UGGT1: variants seen among roughly 807,000 people sequenced by gnomAD.
UGGT1 encodes UDP-glucose glycoprotein glucosyltransferase 1.
A neutral mutation model predicts 203.9 loss-of-function variants in UGGT1; 107 were observed. The observed-to-expected ratio is 0.52, with a 90% CI of 0.45 to 0.62. The LOEUF (loss-of-function observed/expected upper bound fraction) is 0.62. Ranked by LOEUF, UGGT1 falls within the 20% of genes least tolerant of loss-of-function variation. UGGT1 has a pLI of 0.00. For synonymous variants in UGGT1, 628 were observed against 653.5 expected, an observed-to-expected ratio of 0.96 and a Z score of 0.59; for missense variants, 1,673 against 1,867.2, an observed-to-expected ratio of 0.90 and a Z score of 1.92.
chr2:128,183,894 G>A (rs1274435131), intron 38 of UGGT1, 105 bp downstream of exon 38: 45 of 765,722 alleles, frequency 5.9e-5, no homozygotes, highest in South Asian at 1.2e-4. Flanking sequence ...ACAGGATGGC[G>A]TCTTGTTTTT....
chr2:128,123,225 C>G lies in UGGT1; in HGVS notation c.1113C>G (p.Thr371=). 1 of 1,613,158 alleles carries G rather than the reference C, an allele frequency of 6.2e-7. No homozygotes were observed. Among genetic ancestry groups the G allele is most frequent in the Non-Finnish European group, 8.5e-7 (1 of 1,179,522 alleles). The part of the protein sequence containing the change: ...TKTAVSSELR[T]EVEENQKYFK... ...CAGCTGTGAGCTCAGAACTTAGAAC[C>G]GAAGTGGAAGAGAATCAGAAGGTAT... Residue 371 remains threonine, a synonymous_variant, in exon 11 of 41, where the codon ACC becomes ACG. Coordinates refer to ENST00000259253, the MANE Select transcript of UGGT1 (RefSeq NM_020120.4).
Position 128,133,253 on chromosome 2 carries a change from A to G in UGGT1, c.1490A>G (p.His497Arg). The G allele has an allele frequency of 1.1e-5, 18 of 1,613,500 alleles. No homozygotes were observed. The highest frequency in any genetic ancestry group is 1.5e-5 in the Non-Finnish European group (18 of 1,179,666). Residue 497 changes from histidine to arginine, a missense_variant, in exon 14 of 41, where the codon CAT becomes CGT. His to Arg is a conservative substitution (Grantham distance 29). This residue lies in a region of UGGT1 where 1,073 missense variants were observed against 1,078.7 expected (regional missense o/e 0.99). Coordinates refer to ENST00000259253, the MANE Select transcript of UGGT1 (RefSeq NM_020120.4). ...GVIRQIRKNLHNMVFIVDPAH... is the reference protein window; with the variant it reads ...GVIRQIRKNLRNMVFIVDPAH... ...ATTCGGCAGATCAGGAAAAACTTAC[A>G]TAATATGGTAAGTAAAACTTATTGT... is the stretch of plus-strand genomic sequence containing the variant.
chr2:128,166,958 T>C (rs1310200132), intron 26 of UGGT1, among the ~76,000 whole-genome samples: 1 of 152,162 alleles, frequency 6.6e-6, no homozygotes, highest in Non-Finnish European at 1.5e-5. Context: ...GTGAGATCAT[T>C]TGATGATTGT....
chr2:128,122,907 TCATA>T (rs1688448320), intron 10 of UGGT1, among the ~76,000 whole-genome samples: 2 of 152,194 alleles, frequency 1.3e-5, no homozygotes, highest in Non-Finnish European at 2.9e-5. Flanking sequence ...GTAGTAGAGA[TCATA>T]TATAGAAATG....
chr2:128,102,228 C>T (rs1336433498), intron 2 of UGGT1, among the ~76,000 whole-genome samples: 1 of 152,034 alleles, frequency 6.6e-6, no homozygotes, highest in Non-Finnish European at 1.5e-5. Context: ...CTGCAACCTC[C>T]ACCTCCTGGG....
At position 128,121,255 on chromosome 2, in the gene UGGT1, G is replaced by C; in HGVS notation, c.1030G>C (p.Val344Leu). The stretch of plus-strand genomic sequence containing the variant: ...GGCTTCTCCTGTTGAGTTGGCTTTG[G>C]TTGTCATGAAGGATCTTAGTCAGAA... ...ILASPVELAL[V>L]VMKDLSQNFP... The change falls in exon 10 of 41, where the codon GTT becomes CTT. Residue 344 changes from valine to leucine, a missense_variant. By Grantham distance (32) the Val-to-Leu change is conservative. Transcript: ENST00000259253. 1 of 1,613,448 alleles carries C rather than the reference G, an allele frequency of 6.2e-7. No homozygotes were observed. Among genetic ancestry groups the C allele is most frequent in the Non-Finnish European group, 8.5e-7 (1 of 1,179,868 alleles).
intron 8 of UGGT1, among the ~76,000 whole-genome samples, chr2:128,119,082 G>A (rs1688257628): frequency 1.3e-5 from 2 of 152,178 alleles, no homozygotes; most frequent in Admixed American, 1.3e-4. Context: ...ATACTTACCA[G>A]TTGGGCACCC....
chr2:128,094,237 A>G (rs1006510492), intron 1 of UGGT1, among the ~76,000 whole-genome samples: 1 of 152,008 alleles, frequency 6.6e-6, no homozygotes, highest in Non-Finnish European at 1.5e-5. Context: ...TTATAAACTC[A>G]TTGACTCAGG....
chr2:128,151,331 C>T, intron 18 of UGGT1: 1 of 544,864 alleles, frequency 1.8e-6, no homozygotes, highest in Admixed American at 2.6e-5. Flanking sequence ...AGACATGGCG[C>T]CTGCCACGCC....
At chr2:128,114,346 G>T (rs1687999285) in intron 6 of UGGT1, among the ~76,000 whole-genome samples, 1 of 152,102 alleles carries the variant, frequency 6.6e-6, no homozygotes, top group Admixed American at 6.6e-5. Flanking sequence ...TCAAATTCCT[G>T]ACCTCAGGTG....
At chr2:128,093,069 T>C (rs1573477879) in intron 1 of UGGT1, among the ~76,000 whole-genome samples, 1 of 152,178 alleles carries the variant, frequency 6.6e-6, no homozygotes, top group South Asian at 2.1e-4. Context: ...CTCTGGACAG[T>C]CTTTTCCTCT....
intron 34 of UGGT1, 61 bp from the exon 35 acceptor site, chr2:128,179,725 A>AT: frequency 1.4e-6 from 2 of 1,423,438 alleles, no homozygotes; most frequent in Non-Finnish European, 2.0e-6. Context: ...TTGACTCTAC[A>AT]TAATGTTGAG....
At position 128,138,752 on chromosome 2, in the gene UGGT1, A is replaced by G. The variant is rs1218003457; in HGVS notation, c.1619A>G (p.Asp540Gly). 3.1e-6 allele frequency: 5 copies of G among 1,614,028 alleles called. No individual in the cohort carries two copies. In the South Asian group the frequency reaches 4.4e-5, roughly 14 times the overall value. The change falls in exon 16 of 41, where the codon GAT (aspartate) becomes GGT (glycine). Residue 540 changes from aspartate to glycine, a missense_variant. Physicochemically the swap from Asp to Gly is moderately conservative, Grantham distance 94. This residue lies in a region of UGGT1 where 1,073 missense variants were observed against 1,078.7 expected (regional missense o/e 0.99). Transcript: ENST00000259253. ...GFIFVVNDSE[D>G]VDGMQDAGVA... The stretch of plus-strand genomic sequence containing the variant: ...ATCTTTGTGGTTAATGACTCTGAAG[A>G]TGTTGATGGGATGCAAGATGCTGGA...
intron 16 of UGGT1, among the ~76,000 whole-genome samples, chr2:128,139,222 A>G (rs571332258): frequency 1.3e-5 from 2 of 152,304 alleles, no homozygotes; most frequent in East Asian, 3.9e-4. Context: ...GTTTGAATAT[A>G]TCTTCCACAA....
chr2:128,160,655 T>G (rs1416110507), intron 24 of UGGT1, 64 bp downstream of exon 24: 26 of 1,542,280 alleles, frequency 1.7e-5, no homozygotes, highest in Non-Finnish European at 1.9e-5. Flanking sequence ...CATTCTCCTC[T>G]GAAGCTAGTA....
chr2:128,172,630 T>C lies in UGGT1; in HGVS notation c.3162T>C (p.Ala1054=), dbSNP rs774240485. ...CTTTCACTTCAGACAATAGTTTTGC[T>C]AAGGGTCCAATCGCAAAATTTTTGG... The part of the protein sequence containing the change: ...EISFTSDNSF[A]KGPIAKFLDM... The change falls in exon 29 of 41, where the codon GCT becomes GCC. Residue 1054 remains alanine (A), a synonymous_variant. Coordinates refer to ENST00000259253, the MANE Select transcript of UGGT1 (RefSeq NM_020120.4). The C allele has an allele frequency of 3.7e-6, 6 of 1,614,030 alleles. No individual in the cohort carries two copies. Among genetic ancestry groups the C allele is most frequent in the Non-Finnish European group, 4.2e-6 (5 of 1,180,026 alleles).
intron 31 of UGGT1, among the ~76,000 whole-genome samples, chr2:128,176,342 G>T (rs1014265989): frequency 6.6e-6 from 1 of 151,144 alleles, no homozygotes; most frequent in African/African-American, 2.4e-5. Context: ...AACCCCGGAG[G>T]TGGAGGTTGC....
intron 25 of UGGT1, among the ~76,000 whole-genome samples, chr2:128,161,928 C>T (rs1315321690): frequency 6.6e-6 from 1 of 152,210 alleles, no homozygotes; most frequent in East Asian, 1.9e-4. Context: ...TGAGGAACCA[C>T]AATACCTTTC....
chr2:128,121,405 CTTTTTT>C (rs10636999), intron 10 of UGGT1, 107 bp downstream of exon 10: 2 of 452,148 alleles, frequency 4.4e-6, no homozygotes, highest in Non-Finnish European at 7.1e-6. Flanking sequence ...AATTAAGATT[CTTTTTT>C]TTTTTTTTTT....
Sources: gnomAD v4.1 joint callset for allele counts (sites outside exome capture counted in the v4.1 genomes callset) on GRCh38, gnomAD v4.1.1 for gene constraint, gnomAD v4.1.1 regional missense constraint, MANE v1.5 for transcripts, NCBI Gene and HGNC (gene_info 2026-07-23, HGNC 2026-07-21) for gene names.